The following ARHGAP12 variants were observed in gnomAD, a reference collection of about 807,000 sequenced individuals.
The protein encoded by ARHGAP12 is Rho GTPase activating protein 12.
A neutral mutation model predicts 108.6 loss-of-function variants in ARHGAP12; 64 were observed. The observed-to-expected ratio is 0.59, with a 90% CI of 0.48 to 0.73. The LOEUF (loss-of-function observed/expected upper bound fraction) is 0.73, where lower values mean the gene tolerates loss of function less well. Among genes scored for constraint, ARHGAP12 ranks in the 30% least tolerant of loss-of-function variants. The probability of loss-of-function intolerance (pLI) is 0.00; values close to 1 mark genes in which losing one functional copy is unlikely to be tolerated. For synonymous variants in ARHGAP12, 312 were observed against 337.2 expected (o/e 0.93, Z 0.82); for missense variants, 940 against 1,005.9 (o/e 0.93, Z 0.89).
At chr10:31,858,244 T>C (rs113751374) in intron 4 of ARHGAP12, among the ~76,000 whole-genome samples, 2 of 151,522 alleles carry the variant, frequency 1.3e-5, no homozygotes, top group Non-Finnish European at 2.9e-5. Flanking sequence ...AAGAAGAAAA[T>C]GTGAGAAAAG....
In ARHGAP12 at chr10:31,829,131, G is replaced by A. The variant is rs141135719; in HGVS notation, c.1448+2608C>T. Among the ~76,000 whole-genome samples the A allele has an allele frequency of 3.5e-3, 531 of 151,682 alleles. 2 individuals carry two copies. Among genetic ancestry groups the A allele is most frequent in the African/African-American group, 0.012 (513 of 41,352 alleles). On this transcript the variant is annotated intron_variant, in intron 10 of 19. Transcript: ENST00000344936. ...CGCACCACTGCACTCCAGCCTGGGC[G>A]AGAGAGCAAGACTCTGTCTCAAAAA...
chr10:31,868,092 G>A (rs959495101), intron 3 of ARHGAP12, among the ~76,000 whole-genome samples: 2 of 152,060 alleles, frequency 1.3e-5, no homozygotes, highest in Admixed American at 6.6e-5. Context: ...CAGCTACTTG[G>A]GAGGCTGAGA....
intron 11 of ARHGAP12, among the ~76,000 whole-genome samples, chr10:31,824,972 C>A (rs1198350863): frequency 1.3e-5 from 2 of 152,056 alleles, no homozygotes; most frequent in Non-Finnish European, 2.9e-5. Context: ...ACAAAAGAGC[C>A]CCACATGTTT....
In ARHGAP12 at chr10:31,852,589, C is replaced by T; in HGVS notation, c.1098G>A (p.Lys366=). 1.2e-6 allele frequency: 2 copies of T among 1,611,794 alleles called. No homozygotes were observed. The highest frequency in any genetic ancestry group is 1.7e-6 in the Non-Finnish European group (2 of 1,178,108). ...TSDYTNEKWL[K]HVDDQGRQYY... ...ATTGTCTACCTTGATCATCAACATG[C>T]TTGAGCCACTATAAAAACAGAACAG... The change falls in exon 6 of 20, where the codon AAG becomes AAA. Residue 366 remains lysine (K), a synonymous_variant. Transcript: ENST00000344936.
intron 4 of ARHGAP12, among the ~76,000 whole-genome samples, chr10:31,854,986 A>C (rs1372647691): frequency 1.6e-5 from 2 of 126,518 alleles, no homozygotes; most frequent in Admixed American, 8.2e-5. Context: ...AAGAAGAACA[A>C]GGAGGAGGAG....
At chr10:31,852,939 G>A (rs2132283759) in intron 5 of ARHGAP12, among the ~76,000 whole-genome samples, 1 of 152,086 alleles carries the variant, frequency 6.6e-6, no homozygotes, top group South Asian at 2.1e-4. Flanking sequence ...TGTTGGTCAG[G>A]CTGGTATCGA....
intron 3 of ARHGAP12, among the ~76,000 whole-genome samples, chr10:31,897,448 T>A (rs1251495043): frequency 1.3e-5 from 2 of 151,828 alleles, no homozygotes; most frequent in Non-Finnish European, 2.9e-5. Flanking sequence ...CTCCAGTACA[T>A]CAACAGTGAA....
At chr10:31,862,696 GCACACACAGACACACACACACACACA>G (rs997757797) in intron 3 of ARHGAP12, among the ~76,000 whole-genome samples, 6 of 122,268 alleles carry the variant, frequency 4.9e-5, no homozygotes, top group African/African-American at 1.8e-4. Flanking sequence ...AGTGGCGCAT[GCACACACAGACACACACACACACACA>G]CACACACACA....
At chr10:31,835,313 T>A (rs1244788249) in intron 9 of ARHGAP12, among the ~76,000 whole-genome samples, 1 of 152,162 alleles carries the variant, frequency 6.6e-6, no homozygotes, top group Non-Finnish European at 1.5e-5. Flanking sequence ...TGTTGCTTAC[T>A]AAGAAAGCTT....
chr10:31,839,134 G>C (rs1470208193), intron 9 of ARHGAP12, among the ~76,000 whole-genome samples, 171 bp downstream of exon 9: 1 of 152,214 alleles, frequency 6.6e-6, no homozygotes, highest in Non-Finnish European at 1.5e-5. Flanking sequence ...TTTCATCAGA[G>C]TTAAGACAGG....
At chr10:31,885,233 GT>G (rs1838148250) in intron 3 of ARHGAP12, among the ~76,000 whole-genome samples, 1 of 152,118 alleles carries the variant, frequency 6.6e-6, no homozygotes, top group Non-Finnish European at 1.5e-5. Context: ...ATTTTTAGTA[GT>G]TTTTAAAAGG....
intron 1 of ARHGAP12, among the ~76,000 whole-genome samples, chr10:31,924,819 T>G (rs1592394462): frequency 6.6e-6 from 1 of 152,090 alleles, no homozygotes; most frequent in East Asian, 1.9e-4. Flanking sequence ...CCTAGGCACC[T>G]TAACTTGCCT....
intron 1 of ARHGAP12, among the ~76,000 whole-genome samples, chr10:31,918,454 G>T (rs1214722954): frequency 6.6e-6 from 1 of 151,840 alleles, no homozygotes; most frequent in African/African-American, 2.4e-5. Context: ...TGTAATCCCA[G>T]TAATTTGGGA....
At chr10:31,832,624 G>A (rs1376141574) in intron 9 of ARHGAP12, among the ~76,000 whole-genome samples, 1 of 152,158 alleles carries the variant, frequency 6.6e-6, no homozygotes, top group Non-Finnish European at 1.5e-5. Flanking sequence ...TGAGACAATA[G>A]TCAATTTTAA....
At chr10:31,885,544 C>A (rs904103352) in intron 3 of ARHGAP12, among the ~76,000 whole-genome samples, 11 of 152,146 alleles carry the variant, frequency 7.2e-5, no homozygotes, top group African/African-American at 2.7e-4. Flanking sequence ...AATGGCCAGG[C>A]ATGGTGGCTC....
At chr10:31,917,206 G>C (rs561805387) in intron 1 of ARHGAP12, among the ~76,000 whole-genome samples, 2 of 151,694 alleles carry the variant, frequency 1.3e-5, no homozygotes, top group South Asian at 4.2e-4. Flanking sequence ...TCAGGAAATC[G>C]AGACCATGCT....
At chr10:31,867,160 G>C (rs1199908872) in intron 3 of ARHGAP12, among the ~76,000 whole-genome samples, 2 of 150,678 alleles carry the variant, frequency 1.3e-5, no homozygotes, top group African/African-American at 4.9e-5. Context: ...TGTCACCCAG[G>C]TTGGAGTGCA....
intron 4 of ARHGAP12, among the ~76,000 whole-genome samples, chr10:31,854,985 A>AAGG (rs542231961): frequency 4.0e-4 from 54 of 134,574 alleles, no homozygotes; most frequent in Middle Eastern, 3.6e-3. Context: ...AAAGAAGAAC[A>AAGG]AGGAGGAGGA....
At chr10:31,883,975 A>G (rs1838091733) in intron 3 of ARHGAP12, among the ~76,000 whole-genome samples, 1 of 151,868 alleles carries the variant, frequency 6.6e-6, no homozygotes, top group Admixed American at 6.6e-5. Context: ...TCAGCTTCCC[A>G]AAGTGCTGGG....
Sources: gnomAD v4.1 joint callset for allele counts (sites outside exome capture counted in the v4.1 genomes callset) on GRCh38, gnomAD v4.1.1 for gene constraint, MANE v1.5 for transcripts, NCBI Gene and HGNC (gene_info 2026-07-23, HGNC 2026-07-21) for gene names.